SYT10: variants seen among roughly 807,000 people sequenced by gnomAD.
SYT10 encodes the protein synaptotagmin 10.
Under a neutral mutation model 51.1 loss-of-function variants are expected in SYT10, and 31 were observed. The observed-to-expected ratio is 0.61, with a 90% CI of 0.46 to 0.82. The LOEUF (loss-of-function observed/expected upper bound fraction) is 0.82, where lower values mean the gene tolerates loss of function less well. Among genes scored for constraint, SYT10 ranks in the 40% least tolerant of loss-of-function variants. SYT10 has a pLI of 0.00. For missense variants in SYT10, 603 were observed against 634.0 expected, an observed-to-expected ratio of 0.95 and a Z score of 0.53; for synonymous variants, 233 against 225.9, an observed-to-expected ratio of 1.03 and a Z score of -0.28.
At chr12:33,430,598 T>G (rs1169900479) in intron 1 of SYT10, among the ~76,000 whole-genome samples, 1 of 152,208 alleles carries the variant, frequency 6.6e-6, no homozygotes, top group African/African-American at 2.4e-5. Flanking sequence ...CTGTATCTTT[T>G]TAAAAATTTT....
chr12:33,417,245 T>G (rs1408131325), intron 2 of SYT10, among the ~76,000 whole-genome samples: 4 of 152,194 alleles, frequency 2.6e-5, no homozygotes, highest in Non-Finnish European at 4.4e-5. Context: ...GCCTCATGAA[T>G]GGATTAAATC....
chr12:33,388,374 A>G (rs1348272693), intron 3 of SYT10, among the ~76,000 whole-genome samples: 1 of 152,214 alleles, frequency 6.6e-6, no homozygotes, highest in African/African-American at 2.4e-5. Flanking sequence ...TAAAATGTTT[A>G]AAGTGGTATT....
intron 2 of SYT10, among the ~76,000 whole-genome samples, chr12:33,409,032 CT>C (rs1218884316): frequency 2.1e-4 from 32 of 149,394 alleles, no homozygotes; most frequent in South Asian, 4.3e-4. Flanking sequence ...CTTCAGCTGG[CT>C]TTTTTTTTTC....
chr12:33,420,003 C>T (rs1166221160), intron 2 of SYT10, among the ~76,000 whole-genome samples: 5 of 152,116 alleles, frequency 3.3e-5, no homozygotes, highest in South Asian at 2.1e-4. Context: ...CAATTTTATA[C>T]CTTCCCCTTA....
chr12:33,411,214 T>C (rs1478691293), intron 2 of SYT10, among the ~76,000 whole-genome samples: 1 of 152,224 alleles, frequency 6.6e-6, no homozygotes, highest in Non-Finnish European at 1.5e-5. Flanking sequence ...ATTATTCTAC[T>C]AAATAACCAT....
At chr12:33,437,388 G>C (rs1287768004) in intron 1 of SYT10, among the ~76,000 whole-genome samples, 7 of 152,158 alleles carry the variant, frequency 4.6e-5, no homozygotes, top group African/African-American at 1.7e-4. Flanking sequence ...AAGGAATTCA[G>C]ACTACAACTA....
At chr12:33,439,000 A>C (rs1386129914) in intron 1 of SYT10, among the ~76,000 whole-genome samples, 1 of 152,152 alleles carries the variant, frequency 6.6e-6, no homozygotes, top group African/African-American at 2.4e-5. Flanking sequence ...AGCCGCCCCC[A>C]CAAGCAGCCA....
chr12:33,379,447 T>G lies in SYT10; in HGVS notation c.1500+385A>C, dbSNP rs1300224553. ...GGATTGTGGAACACTTTAGGTAAGG[T>G]GGCTGTTTTTTACAGAAGAGAAGGA... On this transcript the variant is annotated intron_variant, in intron 6 of 6. Coordinates refer to ENST00000228567, the MANE Select transcript of SYT10 (RefSeq NM_198992.4). Among the ~76,000 whole-genome samples the G allele has an allele frequency of 6.7e-5, 10 of 148,270 alleles. No individual in the cohort carries two copies. The East Asian group carries it at 1.8e-3, about 27-fold the overall frequency.
At chr12:33,401,411 G>T (rs1179317012) in intron 3 of SYT10, among the ~76,000 whole-genome samples, 1 of 152,140 alleles carries the variant, frequency 6.6e-6, no homozygotes, top group Non-Finnish European at 1.5e-5. Flanking sequence ...TAGGGTGATT[G>T]CTAAAGTGAA....
intron 2 of SYT10, among the ~76,000 whole-genome samples, chr12:33,422,162 G>GAA (rs1455808005): frequency 2.6e-5 from 4 of 151,844 alleles, no homozygotes; most frequent in East Asian, 3.9e-4. Context: ...AAGCAGCATA[G>GAA]AACTCTATAT....
chr12:33,412,712 G>C (rs959244447), intron 2 of SYT10, among the ~76,000 whole-genome samples: 6 of 152,096 alleles, frequency 3.9e-5, no homozygotes, highest in African/African-American at 1.4e-4. Flanking sequence ...ACCAAAGGTA[G>C]ATAAAACCAC....
chr12:33,390,891 G>T (rs1866199429), intron 3 of SYT10, among the ~76,000 whole-genome samples: 2 of 152,072 alleles, frequency 1.3e-5, no homozygotes, highest in Admixed American at 6.5e-5. Flanking sequence ...AAGCTTTAAC[G>T]ATAACACAGG....
chr12:33,417,079 GGAA>G (rs974550820), intron 2 of SYT10, among the ~76,000 whole-genome samples: 3 of 152,080 alleles, frequency 2.0e-5, no homozygotes, highest in Admixed American at 6.6e-5. Context: ...ACTGAGAAGA[GGAA>G]GAAGGTGATA....
chr12:33,424,952 C>T (rs1218252327), intron 2 of SYT10, among the ~76,000 whole-genome samples: 2 of 152,010 alleles, frequency 1.3e-5, no homozygotes, highest in Non-Finnish European at 2.9e-5. Context: ...ACTTCCATCC[C>T]TCCTCCTTAT....
chr12:33,403,748 A>T (rs1866327057), intron 3 of SYT10, among the ~76,000 whole-genome samples: 1 of 152,160 alleles, frequency 6.6e-6, no homozygotes, highest in Admixed American at 6.5e-5. Flanking sequence ...TGACGTGTGA[A>T]TAGAAAAAGA....
intron 1 of SYT10, among the ~76,000 whole-genome samples, chr12:33,431,767 G>A (rs1043872461): frequency 6.6e-6 from 1 of 152,158 alleles, no homozygotes; most frequent in Admixed American, 6.5e-5. Context: ...GAATATTGAA[G>A]AAAATAGTGA....
At position 33,416,798 on chromosome 12, in the gene SYT10, A is replaced by G. The variant is rs77849524; in HGVS notation, c.509+9340T>C. Among the ~76,000 whole-genome samples the G allele has an allele frequency of 9.0e-3, 1,370 of 152,278 alleles. 29 individuals carry two copies. The highest frequency in any genetic ancestry group is 0.03 in the African/African-American group (1,259 of 41,568). On this transcript the variant is annotated intron_variant, in intron 2 of 6. Transcript: ENST00000228567. ...ATAATGGCATGCTCTTGTGCTGAGG[A>G]TACTAATAAAATAGAGAGGGAGAAA... is the stretch of plus-strand genomic sequence containing the variant.
chr12:33,423,941 G>A (rs1481463373), intron 2 of SYT10: 2 of 455,714 alleles, frequency 4.4e-6, no homozygotes, highest in African/African-American at 2.0e-5. Context: ...TTATCAGGAA[G>A]GGTGCCTTGG....
chr12:33,415,523 T>G (rs183196906), intron 2 of SYT10, among the ~76,000 whole-genome samples: 10 of 152,324 alleles, frequency 6.6e-5, no homozygotes, highest in Non-Finnish European at 1.2e-4. Context: ...ATCTATTAAA[T>G]TAACCTTAGA....
Sources: allele counts gnomAD v4.1 joint callset (sites outside exome capture counted in the v4.1 genomes callset), GRCh38; gene constraint gnomAD v4.1.1; transcripts MANE v1.5; gene names NCBI Gene and HGNC (gene_info 2026-07-23, HGNC 2026-07-21).